CSMD1: variants seen among roughly 807,000 people sequenced by gnomAD.
The protein encoded by CSMD1 is CUB and sushi domain-containing protein 1.
Under a neutral mutation model 417.5 loss-of-function variants are expected in CSMD1, and 213 were observed. The ratio of observed to expected loss-of-function variants is 0.51; its 90% CI spans 0.46 to 0.57. The LOEUF (loss-of-function observed/expected upper bound fraction) is 0.57, where lower values mean the gene tolerates loss of function less well. Ranked by LOEUF, CSMD1 falls within the 20% of genes least tolerant of loss-of-function variation. CSMD1 has a pLI of 0.00. For missense variants in CSMD1, 6,923 were observed against 4,529.7 expected, an observed-to-expected ratio of 1.53 and a Z score of -15.17; for synonymous variants, 2,862 against 1,736.8, an observed-to-expected ratio of 1.65 and a Z score of -16.11.
chr8:3,893,837 C>A (rs965888200), intron 5 of CSMD1, among the ~76,000 whole-genome samples: 5 of 152,056 alleles, frequency 3.3e-5, no homozygotes, highest in African/African-American at 1.2e-4. Context: ...GCCAGACTGA[C>A]CCTTTGTTCA....
At chr8:3,153,852 G>A (rs1819349515) in intron 39 of CSMD1, among the ~76,000 whole-genome samples, 1 of 152,208 alleles carries the variant, frequency 6.6e-6, no homozygotes, top group Non-Finnish European at 1.5e-5. Context: ...TTACTTGAGA[G>A]CTTAGTTAAA....
At chr8:4,839,135 C>T (rs1404054181) in intron 1 of CSMD1, among the ~76,000 whole-genome samples, 5 of 152,138 alleles carry the variant, frequency 3.3e-5, no homozygotes, top group Non-Finnish European at 7.4e-5. Flanking sequence ...TCTTCAAAAG[C>T]TGTGTGTCGT....
chr8:4,123,693 T>C (rs891181086), intron 3 of CSMD1, among the ~76,000 whole-genome samples: 4 of 152,218 alleles, frequency 2.6e-5, no homozygotes, highest in Non-Finnish European at 1.5e-5. Flanking sequence ...ATAACTTCTA[T>C]GGTTTTATCA....
At chr8:4,613,442 C>T (rs1057085950) in intron 2 of CSMD1, among the ~76,000 whole-genome samples, 1 of 152,092 alleles carries the variant, frequency 6.6e-6, no homozygotes, top group African/African-American at 2.4e-5. Context: ...TAGTTGCCTC[C>T]AGAACCAAGT....
intron 3 of CSMD1, among the ~76,000 whole-genome samples, chr8:4,080,151 T>C (rs1800052492): frequency 6.6e-6 from 1 of 152,064 alleles, no homozygotes; most frequent in Non-Finnish European, 1.5e-5. Context: ...CAGTTTGCAA[T>C]TTACAAGCCA....
chr8:4,232,215 A>C (rs1276647338), intron 3 of CSMD1, among the ~76,000 whole-genome samples: 3 of 152,158 alleles, frequency 2.0e-5, no homozygotes, highest in Non-Finnish European at 4.4e-5. Context: ...TTTATTTTTA[A>C]GACAGAGTCT....
At chr8:4,591,464 G>A (rs1253201387) in intron 2 of CSMD1, among the ~76,000 whole-genome samples, 3 of 152,190 alleles carry the variant, frequency 2.0e-5, no homozygotes, top group Non-Finnish European at 2.9e-5. Flanking sequence ...AAGCAAATGA[G>A]CAGAGCTATC....
At chr8:4,014,535 T>C (rs1395233965) in intron 4 of CSMD1, among the ~76,000 whole-genome samples, 1 of 152,196 alleles carries the variant, frequency 6.6e-6, no homozygotes, top group South Asian at 2.1e-4. Context: ...TACTATGCGA[T>C]CCTAATAGCC....
intron 8 of CSMD1, among the ~76,000 whole-genome samples, chr8:3,592,675 CGTGTGTGTGTG>C (rs1800903691): frequency 1.6e-5 from 2 of 127,774 alleles, no homozygotes; most frequent in African/African-American, 9.4e-5. Context: ...TGTGCACATC[CGTGTGTGTGTG>C]CACATCCGTG....
At chr8:3,301,748 G>C (rs1379192049) in intron 25 of CSMD1, among the ~76,000 whole-genome samples, 1 of 152,158 alleles carries the variant, frequency 6.6e-6, no homozygotes, top group African/African-American at 2.4e-5. Flanking sequence ...TTCTGGGTAA[G>C]GAGCTGGTGC....
chr8:4,755,927 C>A (rs1037811518), intron 1 of CSMD1, among the ~76,000 whole-genome samples: 3 of 152,160 alleles, frequency 2.0e-5, no homozygotes, highest in African/African-American at 7.2e-5. Flanking sequence ...GTGAACTCTA[C>A]ACATTACCTA....
intron 3 of CSMD1, among the ~76,000 whole-genome samples, chr8:4,136,858 G>T (rs35172369): frequency 6.6e-6 from 1 of 152,172 alleles, no homozygotes; most frequent in East Asian, 1.9e-4. Context: ...TTTGCTTTGT[G>T]ATTATTTACG....
chr8:4,746,331 C>T (rs1052778652), intron 1 of CSMD1, among the ~76,000 whole-genome samples: 1 of 152,212 alleles, frequency 6.6e-6, no homozygotes, highest in African/African-American at 2.4e-5. Context: ...CGACTGTAGG[C>T]ACTTTGGCAG....
intron 3 of CSMD1, among the ~76,000 whole-genome samples, chr8:4,408,982 C>T (rs923484070): frequency 8.5e-5 from 13 of 152,184 alleles, no homozygotes; most frequent in Non-Finnish European, 1.9e-4. Flanking sequence ...ACTGTGAATT[C>T]TTTGCCGACT....
In CSMD1 at chr8:4,902,275, T is replaced by TAA. The variant is rs199601817; in HGVS notation, c.85+92055_85+92056dup. ...AGACAAAACATCTCGCTCTATCTAT[T>TAA]AAAAAAAAAAAAAAATCCTGGCATG... On this transcript the variant is annotated intron_variant, in intron 1 of 69. Transcript: ENST00000635120. 5.4e-3 allele frequency among the ~76,000 whole-genome samples: 799 copies of TAA among 146,934 alleles called. 14 individuals are homozygous for TAA. The highest frequency in any genetic ancestry group is 0.027 in the East Asian group (131 of 4,924).
chr8:3,255,743 C>A (rs559626901), intron 26 of CSMD1, among the ~76,000 whole-genome samples: 3 of 152,210 alleles, frequency 2.0e-5, no homozygotes, highest in East Asian at 3.9e-4. Flanking sequence ...TGGGAGTGAC[C>A]GGATTTTCCA....
At chr8:3,762,623 C>G (rs998779925) in intron 5 of CSMD1, among the ~76,000 whole-genome samples, 1 of 152,196 alleles carries the variant, frequency 6.6e-6, no homozygotes, top group Non-Finnish European at 1.5e-5. Context: ...CTAAGCCGCT[C>G]TTGTCTGTGG....
rs367993389 is a variant in CSMD1, at chr8:3,976,921, A to G, written c.818+20982T>C. ...TTTGCAAATGACTTGTTAGCCATTT[A>G]CATAGTGTCTAGTACAGATTTGTCA... On this transcript the variant is annotated intron_variant, in intron 5 of 69. Transcript: ENST00000635120. 2.0e-5 allele frequency among the ~76,000 whole-genome samples: 3 copies of G among 152,362 alleles called. No individual in the cohort carries two copies. The East Asian group carries it at 5.8e-4, about 29-fold the overall frequency.
intron 4 of CSMD1, among the ~76,000 whole-genome samples, chr8:4,006,896 C>T (rs771546464): frequency 4.2e-4 from 55 of 132,436 alleles, no homozygotes; most frequent in Non-Finnish European, 2.4e-4. Context: ...GGCGTGATCT[C>T]GGCTCACTGC....
Sources: allele counts gnomAD v4.1 joint callset (sites outside exome capture counted in the v4.1 genomes callset), GRCh38; gene constraint gnomAD v4.1.1; transcripts MANE v1.5; gene names NCBI Gene and HGNC (gene_info 2026-07-23, HGNC 2026-07-21).